The following TSPAN18 variants were observed in gnomAD, a reference collection of about 807,000 sequenced individuals.
The protein encoded by TSPAN18 is tetraspanin 18.
A neutral mutation model predicts 27.3 loss-of-function variants in TSPAN18; 14 were observed. The observed-to-expected ratio is 0.51, with a 90% CI of 0.34 to 0.80. The LOEUF (loss-of-function observed/expected upper bound fraction) is 0.80, where lower values mean the gene tolerates loss of function less well. Among genes scored for constraint, TSPAN18 ranks in the 30% least tolerant of loss-of-function variants. The pLI is 0.01. For missense variants in TSPAN18, 268 were observed against 323.9 expected (o/e 0.83, Z 1.32); for synonymous variants, 143 against 136.5 (o/e 1.05, Z -0.33).
chr11:44,917,898 C>T lies in TSPAN18; in HGVS notation c.259-74C>T, dbSNP rs368780156. 105 of 1,353,824 alleles carry T rather than the reference C, an allele frequency of 7.8e-5. 1 individual carries two copies. The East Asian group carries it at 8.0e-4, about 10-fold the overall frequency. 83.9% of individuals were successfully genotyped at this position (1,353,824 alleles called of 1,614,324 possible). ...CTGCGTCACTGGTGTGACAGATGGA[C>T]GGATGCATTGGCCAGTGGCCGCCCC... On this transcript the variant is annotated intron_variant, in intron 5 of 9. Coordinates refer to ENST00000520358, the MANE Select transcript of TSPAN18 (RefSeq NM_130783.5).
At chr11:44,825,508 G>A (rs1007182167) in intron 2 of TSPAN18, among the ~76,000 whole-genome samples, 1 of 152,110 alleles carries the variant, frequency 6.6e-6, no homozygotes, top group African/African-American at 2.4e-5. Context: ...TTCACTGGTG[G>A]GCTCTCAGGC....
intron 1 of TSPAN18, among the ~76,000 whole-genome samples, chr11:44,731,265 A>C (rs549079905): frequency 7.8e-4 from 118 of 152,106 alleles, no homozygotes; most frequent in Non-Finnish European, 1.5e-3. Flanking sequence ...CGGTTTCTCT[A>C]TTTCTTTAGA....
chr11:44,824,837 A>T (rs1857001676), intron 2 of TSPAN18, among the ~76,000 whole-genome samples: 1 of 152,200 alleles, frequency 6.6e-6, no homozygotes, highest in African/African-American at 2.4e-5. Flanking sequence ...TTCTGCGGGG[A>T]TGATGCTCTC....
At chr11:44,790,143 G>A (rs1249436790) in intron 2 of TSPAN18, among the ~76,000 whole-genome samples, 3 of 152,082 alleles carry the variant, frequency 2.0e-5, no homozygotes, top group Non-Finnish European at 2.9e-5. Context: ...GTTTCCACCC[G>A]CGTGTGTGCA....
intron 5 of TSPAN18, among the ~76,000 whole-genome samples, chr11:44,917,413 G>A (rs1859952836): frequency 1.3e-5 from 2 of 152,222 alleles, no homozygotes; most frequent in Non-Finnish European, 2.9e-5. Flanking sequence ...TGGCCCATGG[G>A]TTTTGAGATT....
rs190553062 is a variant in TSPAN18, at chr11:44,895,849, G to A, written c.-10-10558G>A. On this transcript the variant is annotated intron_variant, in intron 3 of 9. Coordinates refer to ENST00000520358, the MANE Select transcript of TSPAN18 (RefSeq NM_130783.5). The stretch of plus-strand genomic sequence containing the variant: ...TGGGATGCAGCAGGAGAAGAGAAGC[G>A]GCAGGAAACCCATCACCCCGTCCTT... Among the ~76,000 whole-genome samples, 667 of 152,296 alleles carry A rather than the reference G, an allele frequency of 4.4e-3. 5 individuals carry two copies. Among genetic ancestry groups the A allele is most frequent in the African/African-American group, 0.015 (639 of 41,556 alleles).
chr11:44,821,457 TG>T (rs556882677), intron 2 of TSPAN18, among the ~76,000 whole-genome samples: 18 of 152,348 alleles, frequency 1.2e-4, no homozygotes, highest in Non-Finnish European at 1.6e-4. Flanking sequence ...GCGATTGTTC[TG>T]TTTCTTTGTA....
chr11:44,882,627 C>CACACACACACACAG lies in TSPAN18; in HGVS notation c.-11+22159_-11+22160insCACACACACACAGA, dbSNP rs375349718. Among the ~76,000 whole-genome samples the CACACACACACACAG allele has an allele frequency of 4.5e-3, 588 of 130,636 alleles. 6 individuals are homozygous for CACACACACACACAG. The highest frequency in any genetic ancestry group is 0.016 in the African/African-American group (517 of 33,212). The allele number at this position is 130,636 out of a possible 152,430, so 85.7% of individuals were successfully genotyped here. A position where few individuals can be genotyped will look rare whatever the true frequency, so the allele number is the denominator to read the frequency against. On this transcript the variant is annotated intron_variant, in intron 3 of 9. Coordinates refer to ENST00000520358, the MANE Select transcript of TSPAN18 (RefSeq NM_130783.5). ...ACACACACACACACACACACACACA[C>CACACACACACACAG]AGAGAGAGAGCATGTGCGTGCATGT... is the stretch of plus-strand genomic sequence containing the variant.
At chr11:44,849,143 G>C (rs1857545498) in intron 2 of TSPAN18, among the ~76,000 whole-genome samples, 1 of 152,180 alleles carries the variant, frequency 6.6e-6, no homozygotes, top group Non-Finnish European at 1.5e-5. Context: ...TGGCAGCAGG[G>C]GGCAGGGGGG....
intron 9 of TSPAN18, among the ~76,000 whole-genome samples, chr11:44,928,061 C>CAAA (rs1860434555): frequency 1.3e-5 from 2 of 152,196 alleles, no homozygotes; most frequent in South Asian, 4.1e-4. Context: ...CCCAGTGAGC[C>CAAA]TCCTGGTGAT....
At chr11:44,851,612 A>AC (rs1278720815) in intron 2 of TSPAN18, among the ~76,000 whole-genome samples, 9,170 of 109,730 alleles carry the variant, frequency 0.084, 811 homozygotes, top group African/African-American at 0.13. Context: ...TACTCTTGTC[A>AC]CCTCCCCCCC....
intron 2 of TSPAN18, among the ~76,000 whole-genome samples, chr11:44,838,117 C>T (rs1177869587): frequency 6.6e-6 from 1 of 152,182 alleles, no homozygotes; most frequent in African/African-American, 2.4e-5. Flanking sequence ...CATTTTCTTA[C>T]ATGGCATATT....
intron 3 of TSPAN18, among the ~76,000 whole-genome samples, chr11:44,878,309 A>T (rs989839044): frequency 1.3e-5 from 2 of 152,150 alleles, no homozygotes; most frequent in East Asian, 1.9e-4. Flanking sequence ...GCGCCGCCCC[A>T]GGAGGGAACA....
chr11:44,891,358 C>G (rs1858844704), intron 3 of TSPAN18, among the ~76,000 whole-genome samples: 1 of 152,138 alleles, frequency 6.6e-6, no homozygotes, highest in African/African-American at 2.4e-5. Flanking sequence ...TGCAGCCTGA[C>G]TGAATGATGT....
chr11:44,767,945 T>C (rs1444448539), intron 2 of TSPAN18, among the ~76,000 whole-genome samples: 2 of 152,270 alleles, frequency 1.3e-5, no homozygotes, highest in African/African-American at 2.4e-5. Flanking sequence ...CTTTCAATTC[T>C]GTGCCAATAA....
chr11:44,812,001 G>A (rs1308125385), intron 2 of TSPAN18, among the ~76,000 whole-genome samples: 3 of 152,220 alleles, frequency 2.0e-5, no homozygotes, highest in Admixed American at 1.3e-4. Context: ...AATGCCATAT[G>A]TTGCTAGTGG....
intron 1 of TSPAN18, among the ~76,000 whole-genome samples, chr11:44,758,444 G>A (rs1018778770): frequency 2.0e-5 from 3 of 152,016 alleles, no homozygotes; most frequent in Admixed American, 6.6e-5. Context: ...TGCCAAATTC[G>A]GGTTGCTAAT....
chr11:44,775,763 G>A (rs1855792788), intron 2 of TSPAN18, among the ~76,000 whole-genome samples: 1 of 152,182 alleles, frequency 6.6e-6, no homozygotes, highest in African/African-American at 2.4e-5. Flanking sequence ...TATAGAGGTC[G>A]ATGACATCTT....
At chr11:44,865,496 A>G (rs958440198) in intron 3 of TSPAN18, among the ~76,000 whole-genome samples, 1 of 152,214 alleles carries the variant, frequency 6.6e-6, no homozygotes, top group African/African-American at 2.4e-5. Flanking sequence ...TTTGTAAGAC[A>G]AAAAAGTTAC....
Sources: allele counts gnomAD v4.1 joint callset (sites outside exome capture counted in the v4.1 genomes callset), GRCh38; gene constraint gnomAD v4.1.1; transcripts MANE v1.5; gene names NCBI Gene and HGNC (gene_info 2026-07-23, HGNC 2026-07-21).